Variants in SRPRA observed in about 807,000 individuals in gnomAD.
SRPRA encodes the protein SRP receptor subunit alpha.
A neutral mutation model predicts 61.1 loss-of-function variants in SRPRA; 30 were observed. The ratio of observed to expected loss-of-function variants is 0.49; its 90% CI spans 0.37 to 0.67. The LOEUF is 0.67. Ranked by LOEUF, SRPRA falls within the 30% of genes least tolerant of loss-of-function variation. SRPRA has a pLI of 0.00. For synonymous variants in SRPRA, 324 were observed against 299.7 expected (o/e 1.08, Z -0.84); for missense variants, 759 against 828.4 (o/e 0.92, Z 1.03).
Position 126,265,327 on chromosome 11 carries a change from G to C in SRPRA, c.1252C>G (p.Pro418Ala). The C allele has an allele frequency of 6.2e-7, 1 of 1,613,790 alleles. No homozygotes were observed. Among genetic ancestry groups the C allele is most frequent in the Non-Finnish European group, 8.5e-7 (1 of 1,179,930 alleles). ...DIMDAQRRQR[P>A]YVVTFCGVNG... is the part of the protein sequence containing the mutation. The stretch of plus-strand genomic sequence containing the variant: ...ACGCCGCAGAAGGTGACGACATAAG[G>C]GCGCTGGCGACGCTGGGCATCCATG... The change falls in exon 10 of 14, where the codon CCT becomes GCT. Residue 418 changes from proline (P) to alanine (A), a missense_variant. Coordinates refer to ENST00000332118, the MANE Select transcript of SRPRA (RefSeq NM_003139.4). This position sits in a 1 kb window ranked among gnomAD's most constrained non-coding sequence, Gnocchi z 6.3.
chr11:126,238,650 C>T, the SRPRA span, among the ~76,000 whole-genome samples: 1 of 152,268 alleles, frequency 6.6e-6, no homozygotes, highest in Admixed American at 6.5e-5. Flanking sequence ...TCTGGTCAAC[C>T]TCTGCAGAAG....
In SRPRA at chr11:126,263,808, T is replaced by C. The variant is rs1461830996; in HGVS notation, c.*108A>G. Reference sequence around the variant, plus strand: ...GAGCCACAAGCCCCCTCACTCTGCCTTTGTACTACACTGAAGACAGGTTGC... The same window carrying C: ...GAGCCACAAGCCCCCTCACTCTGCCCTTGTACTACACTGAAGACAGGTTGC... On this transcript the variant is annotated 3_prime_UTR_variant, in exon 14 of 14. Coordinates refer to ENST00000332118, the MANE Select transcript of SRPRA (RefSeq NM_003139.4). 6 of 1,491,172 alleles carry C rather than the reference T, an allele frequency of 4.0e-6. No individual in the cohort carries two copies. The African/African-American group carries it at 5.6e-5, about 14-fold the overall frequency. The allele number at this position is 1,491,172 out of a possible 1,614,324, so 92.4% of individuals were successfully genotyped here.
chr11:126,243,441 G>A, the SRPRA span, among the ~76,000 whole-genome samples: 1 of 151,662 alleles, frequency 6.6e-6, no homozygotes, highest in Non-Finnish European at 1.5e-5. Context: ...TGCAGTCTCG[G>A]TGACAGAGCA....
In SRPRA at chr11:126,268,828, G is replaced by A; in HGVS notation, c.-24C>T. The A allele has an allele frequency of 6.3e-7, 1 of 1,593,868 alleles. No homozygotes were observed. The highest frequency in any genetic ancestry group is 8.6e-7 in the Non-Finnish European group (1 of 1,162,942). ...ATGGCGGCAGCGGCAGAGGAGCTGG[G>A]GCCGGCGCCGGGAATTCAGGCCGCG... is the stretch of plus-strand genomic sequence containing the variant. On this transcript the variant is annotated 5_prime_UTR_variant, in exon 1 of 14. Coordinates refer to ENST00000332118, the MANE Select transcript of SRPRA (RefSeq NM_003139.4).
At chr11:126,250,455 G>A in the SRPRA span, 2 of 1,293,476 alleles carry the variant, frequency 1.5e-6, no homozygotes, top group Non-Finnish European at 2.2e-6. This position sits in a 1 kb window ranked among gnomAD's most constrained non-coding sequence, Gnocchi z 5.1. Flanking sequence ...TAAAACAACT[G>A]ACCTACCAAA....
the SRPRA span, chr11:126,244,986 A>C: frequency 6.6e-6 from 1 of 152,256 alleles, no homozygotes; most frequent in African/African-American, 2.4e-5. This position sits in a 1 kb window ranked among gnomAD's most constrained non-coding sequence, Gnocchi z 4.5. Flanking sequence ...ATTAGGATCC[A>C]GCTGCTGATT....
downstream of SRPRA, chr11:126,261,053 C>G (rs1950684519): frequency 5.8e-6 from 1 of 171,956 alleles, no homozygotes; most frequent in African/African-American, 2.4e-5. Flanking sequence ...TTTGAAGTTG[C>G]TCACTCACAT....
the SRPRA span, among the ~76,000 whole-genome samples, chr11:126,243,087 AAG>A: frequency 6.6e-6 from 1 of 152,188 alleles, no homozygotes; most frequent in African/African-American, 2.4e-5. Context: ...CATTAAGTAA[AAG>A]AAGCCAGACA....
the SRPRA span, among the ~76,000 whole-genome samples, chr11:126,257,550 GAAGAAA>G: frequency 1.3e-5 from 2 of 149,076 alleles, no homozygotes; most frequent in Non-Finnish European, 3.0e-5. Context: ...ATGAGTAAAG[GAAGAAA>G]AAGCAGGTTG....
At chr11:126,251,839 C>T in the SRPRA span, among the ~76,000 whole-genome samples, 8 of 151,544 alleles carry the variant, frequency 5.3e-5, no homozygotes, top group Non-Finnish European at 1.0e-4. Context: ...TGTGCCACAA[C>T]GCCCGGCTAA....
chr11:126,244,556 C>T, the SRPRA span, among the ~76,000 whole-genome samples: 4 of 152,166 alleles, frequency 2.6e-5, no homozygotes, highest in Non-Finnish European at 4.4e-5. The surrounding 1 kb of genome is among the most constrained non-coding windows in gnomAD (Gnocchi z 4.5). Flanking sequence ...GTTGTCTCAG[C>T]GCTTTGGGAG....
the SRPRA span, chr11:126,256,859 T>C: frequency 1.2e-6 from 2 of 1,603,312 alleles, no homozygotes; most frequent in South Asian, 2.2e-5. This position sits in a 1 kb window ranked among gnomAD's most constrained non-coding sequence, Gnocchi z 6.6. Flanking sequence ...TCAGGTAAGA[T>C]GCATTTTGAA....
chr11:126,253,300 T>G, the SRPRA span, among the ~76,000 whole-genome samples: 1 of 152,200 alleles, frequency 6.6e-6, no homozygotes, highest in Non-Finnish European at 1.5e-5. This position sits in a 1 kb window ranked among gnomAD's most constrained non-coding sequence, Gnocchi z 5.1. Flanking sequence ...GAATGGGGCC[T>G]AGTAACATTC....
the SRPRA span, chr11:126,256,791 T>TGCC: frequency 8.7e-6 from 14 of 1,614,014 alleles, no homozygotes; most frequent in Non-Finnish European, 1.1e-5. The surrounding 1 kb of genome is among the most constrained non-coding windows in gnomAD (Gnocchi z 6.6). Context: ...GAGATGACTA[T>TGCC]GCCGATCTTC....
At chr11:126,248,742 T>C in the SRPRA span, among the ~76,000 whole-genome samples, 2 of 152,214 alleles carry the variant, frequency 1.3e-5, no homozygotes, top group Non-Finnish European at 2.9e-5. Context: ...AATCAATTCA[T>C]GGAGGCACGG....
downstream of SRPRA, chr11:126,260,640 T>C (rs1471964895): frequency 2.6e-5 from 4 of 152,248 alleles, no homozygotes; most frequent in Non-Finnish European, 4.4e-5. Context: ...GTTCTCACTG[T>C]AATCAGGTCA....
At chr11:126,261,381 T>A (rs534745682), downstream of SRPRA, 13 of 1,562,400 alleles carry the variant, frequency 8.3e-6, no homozygotes, top group East Asian at 2.7e-4. Context: ...ATTAATAGTT[T>A]TAGCTTTTCA....
chr11:126,263,148 G>C lies in SRPRA; in HGVS notation c.*768C>G, dbSNP rs778643173. On this transcript the variant is annotated 3_prime_UTR_variant, in exon 14 of 14. Coordinates refer to ENST00000332118, the MANE Select transcript of SRPRA (RefSeq NM_003139.4). The stretch of plus-strand genomic sequence containing the variant: ...AGGACTGCTTAGGAGGTGAAGGATG[G>C]GAGGGGAGGGGGTCATCATACATCC... 6.6e-6 allele frequency: 1 copy of C among 152,528 alleles called. No individual in the cohort carries two copies. Among genetic ancestry groups the C allele is most frequent in the Non-Finnish European group, 1.5e-5 (1 of 68,074 alleles). The allele number at this position is 152,528 out of a possible 1,614,324, so 9.4% of individuals were successfully genotyped here. A position where few individuals can be genotyped will look rare whatever the true frequency, so the allele number is the denominator to read the frequency against.
chr11:126,240,304 T>C, the SRPRA span, among the ~76,000 whole-genome samples: 2 of 152,062 alleles, frequency 1.3e-5, no homozygotes, highest in African/African-American at 4.8e-5. Context: ...GGTTAATGTT[T>C]ACAAAATTCA....
Sources: gnomAD v4.1 joint callset for allele counts (sites outside exome capture counted in the v4.1 genomes callset) on GRCh38, gnomAD v4.1.1 for gene constraint, Gnocchi (gnomAD v3.1) non-coding constraint, MANE v1.5 for transcripts, NCBI Gene and HGNC (gene_info 2026-07-23, HGNC 2026-07-21) for gene names.